AP1G1: variants seen among roughly 807,000 people sequenced by gnomAD.
AP1G1 encodes AP-1 complex subunit gamma-1.
AP1G1 carries 7 observed loss-of-function variants against 108.3 expected under a neutral mutation model. The observed-to-expected ratio is 0.06, with a 90% CI of 0.04 to 0.12. The LOEUF is 0.12. Ranked by LOEUF, AP1G1 falls within the 10% of genes least tolerant of loss-of-function variation. AP1G1 has a pLI of 1.00. For synonymous variants in AP1G1, 379 were observed against 353.5 expected, an observed-to-expected ratio of 1.07 and a Z score of -0.81; for missense variants, 756 against 1,010.7, an observed-to-expected ratio of 0.75 and a Z score of 3.42.
At chr16:71,774,353 A>T in intron 3 of AP1G1, 115 bp downstream of exon 3, 1 of 1,140,808 alleles carries the variant, frequency 8.8e-7, no homozygotes, top group South Asian at 1.5e-5. Context: ...GCAGTGAGTC[A>T]AGATCACGCC....
At chr16:71,764,849 C>A in intron 7 of AP1G1, 123 bp from the exon 8 acceptor site, 4 of 624,592 alleles carry the variant, frequency 6.4e-6, no homozygotes, top group Non-Finnish European at 1.1e-5. Flanking sequence ...TTATTCATAT[C>A]AGAAATAGTC....
chr16:71,760,790 AC>A (rs1454610512), intron 10 of AP1G1, among the ~76,000 whole-genome samples: 1 of 151,942 alleles, frequency 6.6e-6, no homozygotes, highest in Non-Finnish European at 1.5e-5. Flanking sequence ...ATCATGATCT[AC>A]CCATCTCTGC....
rs201594077 is a variant in AP1G1, at chr16:71,736,237, C to T, written c.2269-1530G>A. ...ATTTCATTAAATGTAAGATACCAAT[C>T]GTAATTCACACCATTATTTTATGTA... On this transcript the variant is annotated intron_variant, in intron 21 of 22. Coordinates refer to ENST00000299980, the MANE Select transcript of AP1G1 (RefSeq NM_001128.6). 6.8e-5 allele frequency among the ~76,000 whole-genome samples: 10 copies of T among 146,692 alleles called. No homozygotes were observed. The East Asian group carries it at 8.1e-4, about 12-fold the overall frequency.
intron 9 of AP1G1, among the ~76,000 whole-genome samples, chr16:71,763,113 T>C (rs1197535110): frequency 2.0e-5 from 3 of 152,130 alleles, no homozygotes; most frequent in Non-Finnish European, 4.4e-5. Flanking sequence ...ATGGCTCACA[T>C]TACTCGGGAG....
At chr16:71,808,352 C>A in intron 1 of AP1G1, 3 of 819,200 alleles carry the variant, frequency 3.7e-6, no homozygotes, top group Non-Finnish European at 4.9e-6. Flanking sequence ...AGTTATCTGA[C>A]AGACCTGACA....
At chr16:71,747,473 A>C (rs938826126) in intron 16 of AP1G1, 1 of 151,756 alleles carries the variant, frequency 6.6e-6, no homozygotes, top group African/African-American at 2.4e-5. Context: ...CCAGCTACTC[A>C]GGAGGCTGAG....
intron 2 of AP1G1, among the ~76,000 whole-genome samples, chr16:71,788,536 C>G (rs926753430): frequency 6.6e-6 from 1 of 152,088 alleles, no homozygotes; most frequent in Non-Finnish European, 1.5e-5. Context: ...CACAAAGTAA[C>G]TAGAACAAAA....
intron 5 of AP1G1, 115 bp downstream of exon 5, chr16:71,771,041 G>A (rs968888628): frequency 3.5e-6 from 2 of 567,614 alleles, no homozygotes; most frequent in Non-Finnish European, 6.0e-6. Flanking sequence ...AGTGTCTAAG[G>A]CACAGCAGAA....
At chr16:71,765,685 C>A in intron 6 of AP1G1, 101 bp from the exon 7 acceptor site, 1 of 850,604 alleles carries the variant, frequency 1.2e-6, no homozygotes, top group South Asian at 1.4e-5. Flanking sequence ...GGGTCCCAGT[C>A]CAAGCAAATT....
chr16:71,767,872 C>G, intron 6 of AP1G1: 1 of 1,599,266 alleles, frequency 6.3e-7, no homozygotes. Flanking sequence ...AGGGTTAATT[C>G]TTACCTTTTC....
At chr16:71,787,665 T>C (rs1011126199) in intron 2 of AP1G1, among the ~76,000 whole-genome samples, 8 of 152,132 alleles carry the variant, frequency 5.3e-5, no homozygotes, top group African/African-American at 1.9e-4. Flanking sequence ...ATACTTAAAA[T>C]CAATCAACCG....
chr16:71,791,547 TAGTGGCACACG>T, intron 1 of AP1G1, among the ~76,000 whole-genome samples: 1 of 151,680 alleles, frequency 6.6e-6, no homozygotes, highest in East Asian at 1.9e-4. Flanking sequence ...TAGCCAAACA[TAGTGGCACACG>T]ACTACTGTCC....
At chr16:71,771,483 T>C (rs891946402) in intron 4 of AP1G1, among the ~76,000 whole-genome samples, 2 of 152,154 alleles carry the variant, frequency 1.3e-5, no homozygotes, top group Non-Finnish European at 2.9e-5. Flanking sequence ...CCCAGGAGTT[T>C]GAGAACAGCC....
intron 16 of AP1G1, chr16:71,747,030 T>C (rs1194849402): frequency 6.1e-6 from 1 of 164,268 alleles, no homozygotes; most frequent in African/African-American, 2.4e-5. Flanking sequence ...AAGAAATTTG[T>C]ACTGTTCATT....
At chr16:71,775,019 C>CCAAA (rs2031725704) in intron 2 of AP1G1, among the ~76,000 whole-genome samples, 1 of 69,718 alleles carries the variant, frequency 1.4e-5, no homozygotes. Context: ...CCGCGCCTGG[C>CCAAA]TTTTTTTTTT....
intron 4 of AP1G1, 191 bp downstream of exon 4, chr16:71,773,030 A>T (rs577280593): frequency 1.4e-6 from 1 of 727,786 alleles, no homozygotes; most frequent in African/African-American, 1.7e-5. Flanking sequence ...ATCCAGTAAC[A>T]TTTGTTTGTT....
chr16:71,761,639 C>G, intron 9 of AP1G1, 72 bp from the exon 10 acceptor site: 1 of 1,131,310 alleles, frequency 8.8e-7, no homozygotes, highest in Non-Finnish European at 1.3e-6. Context: ...TTTAAAGGAT[C>G]ACTTCATGAC....
intron 6 of AP1G1, chr16:71,767,726 A>T: frequency 1.4e-6 from 1 of 729,378 alleles, no homozygotes; most frequent in Non-Finnish European, 2.2e-6. Flanking sequence ...TAGACTAGGA[A>T]GTTAGCCAAA....
chr16:71,766,431 G>A (rs190669280), intron 6 of AP1G1: 1 of 468,594 alleles, frequency 2.1e-6, no homozygotes, highest in Admixed American at 2.4e-5. Context: ...TTTAAATATT[G>A]GCACTCATTT....
Sources: allele counts gnomAD v4.1 joint callset (sites outside exome capture counted in the v4.1 genomes callset), GRCh38; gene constraint gnomAD v4.1.1; transcripts MANE v1.5; gene names NCBI Gene and HGNC (gene_info 2026-07-23, HGNC 2026-07-21).